The following ACOT7 variants were observed in gnomAD, a reference collection of about 807,000 sequenced individuals.
The protein encoded by ACOT7 is cytosolic acyl coenzyme A thioester hydrolase.
A neutral mutation model predicts 40.2 loss-of-function variants in ACOT7; 12 were observed. The ratio of observed to expected loss-of-function variants is 0.30; its 90% CI spans 0.19 to 0.48. The LOEUF (loss-of-function observed/expected upper bound fraction) is 0.48. ACOT7 is among the 20% of genes least tolerant of loss of function. The pLI is 0.99. For synonymous variants in ACOT7, 228 were observed against 219.5 expected, an observed-to-expected ratio of 1.04 and a Z score of -0.34; for missense variants, 395 against 530.8, an observed-to-expected ratio of 0.74 and a Z score of 2.51.
Position 6,282,595 on chromosome 1 carries a change from A to G in ACOT7, c.830-1309T>C. ...GAGACCAGCCTCACAAGGCAGGTTT[A>G]GAGACCCAGAGTGAGAAAGCGGCCA... is the stretch of plus-strand genomic sequence containing the variant. On this transcript the variant is annotated intron_variant, in intron 7 of 8. Transcript: ENST00000361521. The surrounding 1 kb of genome is among the most constrained non-coding windows in gnomAD (Gnocchi z 4.5). The G allele has an allele frequency of 1.6e-6, 1 of 633,218 alleles. No homozygotes were observed. The highest frequency in any genetic ancestry group is 1.6e-5 in the South Asian group (1 of 62,076). The allele number at this position is 633,218 out of a possible 1,614,324, so 39.2% of individuals were successfully genotyped here.
At chr1:6,304,920 A>G (rs1640085389) in intron 6 of ACOT7, among the ~76,000 whole-genome samples, 1 of 143,598 alleles carries the variant, frequency 7.0e-6, no homozygotes, top group African/African-American at 2.8e-5. Flanking sequence ...TACACCTCCC[A>G]GACAGGGTGG....
intron 1 of ACOT7, chr1:6,385,373 C>T (rs1642417318): frequency 4.0e-6 from 5 of 1,252,414 alleles, no homozygotes; most frequent in Non-Finnish European, 4.4e-6. Context: ...ACAGCTCATC[C>T]AACACCCGAC....
chr1:6,295,635 T>C (rs1639792822), intron 6 of ACOT7: 1 of 152,188 alleles, frequency 6.6e-6, no homozygotes, highest in African/African-American at 2.4e-5. Context: ...GGAATGAAGC[T>C]TGAAAACGCT....
intron 2 of ACOT7, among the ~76,000 whole-genome samples, chr1:6,340,811 G>A (rs904804036): frequency 4.6e-5 from 7 of 151,972 alleles, no homozygotes; most frequent in South Asian, 4.2e-4. Flanking sequence ...CGAGGTGGGC[G>A]GATCACATGA....
chr1:6,288,084 T>A lies in ACOT7; in HGVS notation c.829+6780A>T, dbSNP rs542255045. On this transcript the variant is annotated intron_variant, in intron 7 of 8. Transcript: ENST00000361521. This position sits in a 1 kb window ranked among gnomAD's most constrained non-coding sequence, Gnocchi z 4.3. ...TAATGTCTCAACTGAAAAAAAAAAA[T>A]CCACACAGCAAGTGACCCCACAGCT... is the stretch of plus-strand genomic sequence containing the variant. Among the ~76,000 whole-genome samples the A allele has an allele frequency of 7.9e-5, 12 of 151,626 alleles. No homozygotes were observed. The highest frequency in any genetic ancestry group is 7.9e-4 in the Admixed American group (12 of 15,242).
At chr1:6,287,674 C>T (rs1339749281) in intron 7 of ACOT7, among the ~76,000 whole-genome samples, 1 of 152,174 alleles carries the variant, frequency 6.6e-6, no homozygotes, top group Non-Finnish European at 1.5e-5. Context: ...AGACGGGCGT[C>T]TCTCCAGGGG....
intron 6 of ACOT7, among the ~76,000 whole-genome samples, chr1:6,307,533 T>C (rs1359239043): frequency 6.6e-6 from 1 of 152,246 alleles, no homozygotes; most frequent in African/African-American, 2.4e-5. Context: ...TCTCTTTCCT[T>C]TTCTTCAGAG....
At chr1:6,293,047 G>A (rs1253519864) in intron 7 of ACOT7, among the ~76,000 whole-genome samples, 7 of 151,800 alleles carry the variant, frequency 4.6e-5, no homozygotes, top group African/African-American at 1.5e-4. Flanking sequence ...CCGCCACCAC[G>A]CCTGGCTAAT....
At chr1:6,356,496 G>A (rs953888571) in intron 1 of ACOT7, among the ~76,000 whole-genome samples, 5 of 152,126 alleles carry the variant, frequency 3.3e-5, no homozygotes, top group Non-Finnish European at 7.4e-5. Context: ...CACCTGGCCA[G>A]CCCTGGACAG....
chr1:6,370,995 G>T (rs910334375), intron 1 of ACOT7, among the ~76,000 whole-genome samples: 1 of 151,992 alleles, frequency 6.6e-6, no homozygotes, highest in Admixed American at 6.6e-5. Context: ...ATTTTTAGTA[G>T]AGACAGGGTT....
At chr1:6,342,681 T>A (rs1641308653) in intron 2 of ACOT7, among the ~76,000 whole-genome samples, 1 of 152,166 alleles carries the variant, frequency 6.6e-6, no homozygotes, top group Admixed American at 6.5e-5. Context: ...AATTGAACAT[T>A]CTTCTTCTGT....
intron 1 of ACOT7, among the ~76,000 whole-genome samples, chr1:6,392,199 A>G (rs1409573558): frequency 1.3e-5 from 2 of 152,138 alleles, no homozygotes; most frequent in South Asian, 2.1e-4. Flanking sequence ...ACTTGCTTCT[A>G]TTGGACTTGG....
chr1:6,343,627 C>T (rs113779024), intron 2 of ACOT7, among the ~76,000 whole-genome samples: 5,563 of 152,382 alleles, frequency 0.037, 222 homozygotes, highest in African/African-American at 0.097. Context: ...TGGCCAAAGG[C>T]TGTTAGGGCA....
chr1:6,306,234 G>A lies in ACOT7; in HGVS notation c.713-11254C>T. The A allele has an allele frequency of 1.0e-6, 1 of 983,590 alleles. No individual in the cohort carries two copies. Among genetic ancestry groups the A allele is most frequent in the Non-Finnish European group, 1.2e-6 (1 of 828,972 alleles). 60.9% of individuals were successfully genotyped at this position (983,590 alleles called of 1,614,324 possible). A position where few individuals can be genotyped will look rare whatever the true frequency, so the allele number is the denominator to read the frequency against. On this transcript the variant is annotated intron_variant, in intron 6 of 8. Coordinates refer to ENST00000361521, the MANE Select transcript of ACOT7 (RefSeq NM_007274.4). This position sits in a 1 kb window ranked among gnomAD's most constrained non-coding sequence, Gnocchi z 4.3. ...AGGGGGAGGGGGAGGGGGAGAGGGA[G>A]AGGACGTTCTTACGGTTCATGGCAA...
At chr1:6,362,906 G>A (rs757020169) in intron 1 of ACOT7, among the ~76,000 whole-genome samples, 10 of 152,112 alleles carry the variant, frequency 6.6e-5, no homozygotes, top group African/African-American at 1.4e-4. Context: ...AAAAAAATTA[G>A]CCGAGCATGG....
At chr1:6,290,935 G>C (rs955224353) in intron 7 of ACOT7, among the ~76,000 whole-genome samples, 2 of 152,226 alleles carry the variant, frequency 1.3e-5, no homozygotes, top group African/African-American at 4.8e-5. Flanking sequence ...CACTCTCCCT[G>C]CATTCCTTAG....
chr1:6,333,425 G>T, intron 4 of ACOT7, 52 bp downstream of exon 4: 2 of 1,580,546 alleles, frequency 1.3e-6, no homozygotes, highest in South Asian at 2.2e-5. Context: ...CAGGTGAGGT[G>T]ACCTGATCTC....
At chr1:6,268,669 C>A (rs1001628869) in intron 8 of ACOT7, among the ~76,000 whole-genome samples, 1 of 152,260 alleles carries the variant, frequency 6.6e-6, no homozygotes, top group African/African-American at 2.4e-5. Flanking sequence ...CCAGGCCCCA[C>A]GCACGCGGCA....
chr1:6,322,421 G>A (rs1381695361), intron 5 of ACOT7, among the ~76,000 whole-genome samples: 3 of 152,260 alleles, frequency 2.0e-5, no homozygotes, highest in African/African-American at 7.2e-5. Flanking sequence ...GGGAGGGGAG[G>A]CGGTTTGAAA....
Sources: gnomAD v4.1 joint callset for allele counts (sites outside exome capture counted in the v4.1 genomes callset) on GRCh38, gnomAD v4.1.1 for gene constraint, Gnocchi (gnomAD v3.1) non-coding constraint, MANE v1.5 for transcripts, NCBI Gene and HGNC (gene_info 2026-07-23, HGNC 2026-07-21) for gene names.